The following FAM227B variants were observed in gnomAD, a reference collection of about 807,000 sequenced individuals.
FAM227B encodes family with sequence similarity 227 member B, also known as protein FAM227B.
A neutral mutation model predicts 73.8 loss-of-function variants in FAM227B; 88 were observed. The observed-to-expected ratio is 1.19, with a 90% CI of 1.00 to 1.42. FAM227B has a LOEUF of 1.42. Ranked by LOEUF, FAM227B falls within the 40% of genes most tolerant of loss-of-function variation. The pLI is 0.00. For synonymous variants in FAM227B, 210 were observed against 190.5 expected (o/e 1.10, Z -0.84); for missense variants, 632 against 590.9 (o/e 1.07, Z -0.72).
At chr15:49,361,208 T>G (rs2044172641) in intron 13 of FAM227B, among the ~76,000 whole-genome samples, 1 of 152,198 alleles carries the variant, frequency 6.6e-6, no homozygotes, top group Non-Finnish European at 1.5e-5. Context: ...AAAAATTAAT[T>G]TAAAAAACTT....
chr15:49,580,196 A>T (rs1315406556), intron 5 of FAM227B, among the ~76,000 whole-genome samples: 1 of 152,204 alleles, frequency 6.6e-6, no homozygotes, highest in Admixed American at 6.6e-5. Flanking sequence ...GCCCATTTCA[A>T]TAGATTTTGA....
intron 3 of FAM227B, among the ~76,000 whole-genome samples, chr15:49,595,760 T>C (rs1663224732): frequency 1.4e-5 from 2 of 147,946 alleles, no homozygotes. Context: ...GAAATACATA[T>C]CATAAATAAA....
At chr15:49,579,626 G>A (rs2075683852) in intron 5 of FAM227B, among the ~76,000 whole-genome samples, 1 of 152,152 alleles carries the variant, frequency 6.6e-6, no homozygotes, top group Non-Finnish European at 1.5e-5. Context: ...GTGGTTACCA[G>A]AGGCTGTGAG....
At chr15:49,341,885 A>G (rs1331928292) in intron 13 of FAM227B, among the ~76,000 whole-genome samples, 1 of 152,030 alleles carries the variant, frequency 6.6e-6, no homozygotes, top group Admixed American at 6.5e-5. Context: ...ACCTATTTTT[A>G]TTCCAAGAGT....
chr15:49,356,310 C>A (rs2043158925), intron 13 of FAM227B, among the ~76,000 whole-genome samples: 1 of 151,036 alleles, frequency 6.6e-6, no homozygotes, highest in Admixed American at 6.6e-5. Flanking sequence ...AGAGTCAAGA[C>A]CCATCAGTGT....
At chr15:49,577,767 T>C (rs2152380077) in intron 5 of FAM227B, 103 bp from the exon 6 acceptor site, 2 of 618,730 alleles carry the variant, frequency 3.2e-6, no homozygotes, top group South Asian at 2.4e-5. Flanking sequence ...ACTATAGATA[T>C]ATGTATATAT....
chr15:49,564,248 C>T (rs1021437927), intron 9 of FAM227B, among the ~76,000 whole-genome samples: 1 of 152,024 alleles, frequency 6.6e-6, no homozygotes, highest in African/African-American at 2.4e-5. Context: ...TCAACATCAC[C>T]AATCATTAGA....
intron 13 of FAM227B, among the ~76,000 whole-genome samples, chr15:49,357,450 C>G (rs1288318153): frequency 1.3e-5 from 2 of 151,784 alleles, no homozygotes; most frequent in African/African-American, 2.4e-5. Flanking sequence ...GAGAATACTA[C>G]AAACACCTCT....
At chr15:49,574,869 G>C (rs2075349339) in intron 8 of FAM227B, 142 bp downstream of exon 8, 7 of 478,510 alleles carry the variant, frequency 1.5e-5, no homozygotes, top group African/African-American at 2.0e-5. Context: ...ACATCATATA[G>C]GATTTCTAAT....
At chr15:49,606,582 C>T (rs541648431) in intron 3 of FAM227B, among the ~76,000 whole-genome samples, 3 of 152,282 alleles carry the variant, frequency 2.0e-5, no homozygotes, top group Non-Finnish European at 4.4e-5. Context: ...GATCTCTGAC[C>T]TCCCACATCA....
chr15:49,436,562 G>A (rs12592277), intron 11 of FAM227B, among the ~76,000 whole-genome samples: 29,497 of 151,424 alleles, frequency 0.19, 3,128 homozygotes, highest in South Asian at 0.33. Context: ...AGTGGTTTCT[G>A]TGTGCCTGGC....
At chr15:49,596,958 C>A (rs1472382541) in intron 3 of FAM227B, among the ~76,000 whole-genome samples, 1 of 151,864 alleles carries the variant, frequency 6.6e-6, no homozygotes, top group African/African-American at 2.4e-5. Context: ...AACTGCAGCT[C>A]CCAAATTTAC....
At chr15:49,575,557 A>C (rs1276864187) in intron 7 of FAM227B, among the ~76,000 whole-genome samples, 1 of 152,070 alleles carries the variant, frequency 6.6e-6, no homozygotes, top group African/African-American at 2.4e-5. Flanking sequence ...AACTAAATCA[A>C]ATATAGTTTT....
chr15:49,513,231 A>C (rs1377500294), intron 10 of FAM227B, among the ~76,000 whole-genome samples: 1 of 152,116 alleles, frequency 6.6e-6, no homozygotes, highest in Non-Finnish European at 1.5e-5. Context: ...ACAATGTAAA[A>C]GTGTTCCTAT....
rs187004488 is a variant in FAM227B at position 49,601,590 on chromosome 15, T to A, written c.105+9625A>T. 2.9e-3 allele frequency among the ~76,000 whole-genome samples: 446 copies of A among 152,328 alleles called. 1 individual carries two copies. The highest frequency in any genetic ancestry group is 5.4e-3 in the Non-Finnish European group (364 of 68,026). ...CATGCAATGCATAATAATCACGTCA[T>A]GAAAAATGGGGTAACCATCCCCTCA... is the stretch of plus-strand genomic sequence containing the variant. On this transcript the variant is annotated intron_variant, in intron 3 of 15. Transcript: ENST00000299338.
intron 10 of FAM227B, among the ~76,000 whole-genome samples, chr15:49,526,639 T>C (rs887428371): frequency 2.6e-5 from 4 of 151,966 alleles, no homozygotes; most frequent in African/African-American, 9.7e-5. Context: ...ACAAGATTGA[T>C]AGACCATTAG....
chr15:49,329,020 C>T (rs202094466), intron 15 of FAM227B: 2 of 866,668 alleles, frequency 2.3e-6, no homozygotes, highest in Non-Finnish European at 2.7e-6. Context: ...TCTTATCACT[C>T]TTTTTCTACT....
chr15:49,510,954 C>G (rs2152120118), intron 10 of FAM227B, among the ~76,000 whole-genome samples: 1 of 151,316 alleles, frequency 6.6e-6, no homozygotes, highest in East Asian at 2.0e-4. Flanking sequence ...TTTCTGTTCT[C>G]TGGAAGTTTT....
chr15:49,606,487 G>C (rs1051846335), intron 3 of FAM227B, among the ~76,000 whole-genome samples: 7 of 151,932 alleles, frequency 4.6e-5, no homozygotes, highest in African/African-American at 1.7e-4. Context: ...TCTTCCTTAC[G>C]TGGATATCCT....
Sources: allele counts gnomAD v4.1 joint callset (sites outside exome capture counted in the v4.1 genomes callset), GRCh38; gene constraint gnomAD v4.1.1; transcripts MANE v1.5; gene names NCBI Gene and HGNC (gene_info 2026-07-23, HGNC 2026-07-21).